Variants in JAK1 observed in about 807,000 individuals in gnomAD.
JAK1 encodes the protein Janus kinase 1.
JAK1 carries 16 observed loss-of-function variants against 136.6 expected under a neutral mutation model. The ratio of observed to expected loss-of-function variants is 0.12; its 90% CI spans 0.08 to 0.18. The LOEUF (loss-of-function observed/expected upper bound fraction) is 0.18. Ranked by LOEUF, JAK1 falls within the 10% of genes least tolerant of loss-of-function variation. The pLI is 1.00. For missense variants in JAK1, 859 were observed against 1,450.1 expected (o/e 0.59, Z 6.62); for synonymous variants, 492 against 519.5 (o/e 0.95, Z 0.72).
At chr1:64,979,853 C>T (rs1486420555) in intron 2 of JAK1, 6 of 152,126 alleles carry the variant, frequency 3.9e-5, no homozygotes, top group Non-Finnish European at 5.9e-5. Flanking sequence ...AAATGTGAAC[C>T]GAACCGTGAA....
At chr1:64,942,848 C>A (rs1369979642) in intron 1 of JAK1, among the ~76,000 whole-genome samples, 1 of 152,060 alleles carries the variant, frequency 6.6e-6, no homozygotes, top group Non-Finnish European at 1.5e-5. Context: ...TTGCTTACAC[C>A]ACTTTCCTGT....
At chr1:64,853,878 A>T (rs1655756319) in intron 11 of JAK1, among the ~76,000 whole-genome samples, 1 of 152,198 alleles carries the variant, frequency 6.6e-6, no homozygotes, top group Non-Finnish European at 1.5e-5. Context: ...AAGAGTTCAC[A>T]GTCAGGTGGG....
rs1017831375 is a variant in JAK1 at position 64,966,348 on chromosome 1, C to A, written c.-93G>T. 16 of 151,442 alleles carry A rather than the reference C, an allele frequency of 1.1e-4. No homozygotes were observed. Among genetic ancestry groups the A allele is most frequent in the African/African-American group, 3.6e-4 (15 of 41,346 alleles). The allele number at this position is 151,442 out of a possible 1,614,324, so 9.4% of individuals were successfully genotyped here. ...TGACACTCACCACTTCCGTGTGCGC[C>A]TGGGCCAGGCAGCGCCCCGTCGCTG... On this transcript the variant is annotated 5_prime_UTR_variant, in exon 1 of 25. It adds an upstream start codon to the 5' untranslated region. Transcript: ENST00000342505.
At chr1:64,941,876 G>T (rs1645895950) in intron 1 of JAK1, 1 of 152,180 alleles carries the variant, frequency 6.6e-6, no homozygotes, top group Admixed American at 6.5e-5. Context: ...GGGAAGATTA[G>T]GCAGGTGTGG....
intron 1 of JAK1, among the ~76,000 whole-genome samples, chr1:64,898,843 A>G (rs574525131): frequency 1.3e-5 from 2 of 152,168 alleles, no homozygotes; most frequent in Non-Finnish European, 2.9e-5. Flanking sequence ...TGTTCAGTGC[A>G]TTTCAGCTGT....
chr1:64,870,577 C>G (rs1182062859), intron 5 of JAK1, among the ~76,000 whole-genome samples: 1 of 152,104 alleles, frequency 6.6e-6, no homozygotes, highest in East Asian at 1.9e-4. Flanking sequence ...CAATGCCGTG[C>G]TACAGCCACA....
chr1:65,039,754 G>A (rs1041822124), intron 2 of JAK1, among the ~76,000 whole-genome samples: 2 of 152,104 alleles, frequency 1.3e-5, no homozygotes, highest in African/African-American at 2.4e-5. Flanking sequence ...GAGCTTCTCC[G>A]ACACAGCCAT....
intron 2 of JAK1, among the ~76,000 whole-genome samples, chr1:65,005,795 T>G (rs1646799201): frequency 6.6e-6 from 1 of 152,222 alleles, no homozygotes; most frequent in Non-Finnish European, 1.5e-5. Context: ...TGATGGAACT[T>G]GACAACTTAA....
At chr1:64,925,558 C>T (rs1354276533) in intron 1 of JAK1, among the ~76,000 whole-genome samples, 2 of 152,124 alleles carry the variant, frequency 1.3e-5, no homozygotes, top group Admixed American at 6.5e-5. Context: ...TCCAATGAGT[C>T]CTGCCAACTG....
chr1:64,883,246 C>A, intron 3 of JAK1, 31 bp downstream of exon 3: 1 of 1,570,664 alleles, frequency 6.4e-7, no homozygotes, highest in Non-Finnish European at 8.7e-7. Flanking sequence ...GTTGGTGAAA[C>A]CCCCAGCCCT....
At chr1:64,868,589 ATC>A (rs1319500858) in intron 6 of JAK1, among the ~76,000 whole-genome samples, 1 of 152,222 alleles carries the variant, frequency 6.6e-6, no homozygotes, top group African/African-American at 2.4e-5. Flanking sequence ...GCAAGCTGTG[ATC>A]TGCTCTAGAC....
chr1:64,929,833 C>CAT (rs1553170187), intron 1 of JAK1, among the ~76,000 whole-genome samples: 2 of 152,070 alleles, frequency 1.3e-5, no homozygotes, highest in Admixed American at 6.6e-5. Flanking sequence ...CCAAAACAGA[C>CAT]ATATAGACAA....
chr1:64,985,204 C>A, intron 2 of JAK1: 1 of 1,570,964 alleles, frequency 6.4e-7, no homozygotes. Flanking sequence ...ACACCTGCAC[C>A]CTTAAAGATT....
At chr1:65,035,115 C>T (rs1160137723) in intron 2 of JAK1, among the ~76,000 whole-genome samples, 1 of 151,894 alleles carries the variant, frequency 6.6e-6, no homozygotes, top group African/African-American at 2.4e-5. Flanking sequence ...TTAGTAATGC[C>T]ATTTGTTTCC....
Position 64,844,303 on chromosome 1 carries a change from A to G in JAK1, c.2252-88T>C. 2.6e-6 allele frequency: 4 copies of G among 1,524,764 alleles called. No individual in the cohort carries two copies. Among genetic ancestry groups the G allele is most frequent in the Non-Finnish European group, 3.6e-6 (4 of 1,102,098 alleles). The allele number at this position is 1,524,764 out of a possible 1,614,324, so 94.5% of individuals were successfully genotyped here. On this transcript the variant is annotated intron_variant, in intron 16 of 24. Transcript: ENST00000342505. The surrounding 1 kb of genome is among the most constrained non-coding windows in gnomAD (Gnocchi z 5.7). ...TCACTGCAGCCAGAACAGTGAGCCA[A>G]TGAAGGAACTACTTCAAGCAGTGTG...
intron 2 of JAK1, among the ~76,000 whole-genome samples, chr1:65,015,471 A>G (rs1205063722): frequency 6.6e-6 from 1 of 152,178 alleles, no homozygotes; most frequent in East Asian, 1.9e-4. Flanking sequence ...ACAGAGTTAA[A>G]AAAAGGAATA....
At chr1:64,939,031 A>G (rs1436783924) in intron 1 of JAK1, among the ~76,000 whole-genome samples, 1 of 152,152 alleles carries the variant, frequency 6.6e-6, no homozygotes, top group Non-Finnish European at 1.5e-5. Context: ...GCTGGAGTGC[A>G]ATGGCATGAC....
intron 1 of JAK1, among the ~76,000 whole-genome samples, chr1:65,054,582 T>TA (rs1430903713): frequency 4.6e-5 from 7 of 152,084 alleles, no homozygotes; most frequent in Non-Finnish European, 5.9e-5. Flanking sequence ...CTTTTCTGTT[T>TA]AAAAAAACTC....
chr1:64,916,061 T>C (rs1280011633), intron 1 of JAK1, among the ~76,000 whole-genome samples: 1 of 152,182 alleles, frequency 6.6e-6, no homozygotes, highest in Admixed American at 6.5e-5. Flanking sequence ...TCACTCTTAG[T>C]GACGTTCAAA....
Sources: allele counts gnomAD v4.1 joint callset (sites outside exome capture counted in the v4.1 genomes callset), GRCh38; gene constraint gnomAD v4.1.1; non-coding constraint Gnocchi (gnomAD v3.1); transcripts MANE v1.5; gene names NCBI Gene and HGNC (gene_info 2026-07-23, HGNC 2026-07-21).